CSMD1: variants seen among roughly 807,000 people sequenced by gnomAD.
CSMD1 encodes the protein CUB and sushi domain-containing protein 1.
A neutral mutation model predicts 417.5 loss-of-function variants in CSMD1; 213 were observed. That is an observed-to-expected ratio of 0.51 (90% CI 0.46 to 0.57). CSMD1 has a LOEUF of 0.57. Among genes scored for constraint, CSMD1 ranks in the 20% least tolerant of loss-of-function variants. CSMD1 has a pLI of 0.00. For missense variants in CSMD1, 6,923 were observed against 4,529.7 expected (o/e 1.53, Z -15.17); for synonymous variants, 2,862 against 1,736.8 (o/e 1.65, Z -16.11).
In CSMD1 at chr8:4,837,452, C is replaced by T. The variant is rs538362048; in HGVS notation, c.85+156880G>A. ...TCTATCATTTGCAACAACATGGATGCAACTGGAGATCATTGTGTTAACTAA... is the reference window on the plus strand; with the variant it reads ...TCTATCATTTGCAACAACATGGATGTAACTGGAGATCATTGTGTTAACTAA... On this transcript the variant is annotated intron_variant, in intron 1 of 69. Coordinates refer to ENST00000635120, the MANE Select transcript of CSMD1 (RefSeq NM_033225.6). 2.5e-4 allele frequency among the ~76,000 whole-genome samples: 38 copies of T among 152,184 alleles called. 1 individual carries two copies. The South Asian group carries it at 4.8e-3, about 19-fold the overall frequency.
chr8:4,122,712 C>T (rs1199838240), intron 3 of CSMD1, among the ~76,000 whole-genome samples: 1 of 152,162 alleles, frequency 6.6e-6, no homozygotes, highest in Non-Finnish European at 1.5e-5. Flanking sequence ...TGCTGTAACC[C>T]AGGATTTTTT....
intron 26 of CSMD1, among the ~76,000 whole-genome samples, chr8:3,251,744 C>T (rs983280666): frequency 6.6e-6 from 1 of 152,138 alleles, no homozygotes; most frequent in African/African-American, 2.4e-5. Context: ...TTTCATTGAG[C>T]AGTGGATTGT....
At chr8:4,211,533 A>G (rs1482589885) in intron 3 of CSMD1, among the ~76,000 whole-genome samples, 1 of 152,204 alleles carries the variant, frequency 6.6e-6, no homozygotes, top group East Asian at 1.9e-4. Flanking sequence ...TCTTTTGTAT[A>G]CTTTTGAGCA....
chr8:3,526,263 T>C (rs140386251), intron 10 of CSMD1, among the ~76,000 whole-genome samples: 1 of 152,238 alleles, frequency 6.6e-6, no homozygotes, highest in East Asian at 1.9e-4. Context: ...TCTTAAAATA[T>C]AAAGCTACCA....
intron 3 of CSMD1, among the ~76,000 whole-genome samples, chr8:4,124,842 G>C (rs1166920511): frequency 1.3e-5 from 2 of 152,038 alleles, no homozygotes; most frequent in Admixed American, 6.6e-5. Flanking sequence ...CCCACAAGCA[G>C]ATACAAAATA....
chr8:4,160,817 A>G (rs1797114614), intron 3 of CSMD1, among the ~76,000 whole-genome samples: 1 of 152,244 alleles, frequency 6.6e-6, no homozygotes, highest in South Asian at 2.1e-4. Flanking sequence ...TAAATATCAG[A>G]AAAGAAGAAG....
At position 4,496,660 on chromosome 8, in the gene CSMD1, C is replaced by G. The variant is rs559733225; in HGVS notation, c.303-76595G>C. On this transcript the variant is annotated intron_variant, in intron 2 of 69. Coordinates refer to ENST00000635120, the MANE Select transcript of CSMD1 (RefSeq NM_033225.6). ...TCTCATAGCTCCTTTTGGTCTCCCC[C>G]TCCCTTTATCCTGCCACTCTGACAA... Among the ~76,000 whole-genome samples the G allele has an allele frequency of 2.0e-4, 30 of 152,218 alleles. 2 individuals are homozygous for G. The South Asian group carries it at 6.0e-3, about 31-fold the overall frequency.
chr8:4,407,221 T>C (rs1805091860), intron 3 of CSMD1, among the ~76,000 whole-genome samples: 1 of 152,208 alleles, frequency 6.6e-6, no homozygotes. Context: ...GAATTCCAGC[T>C]CTTCTATGCC....
chr8:4,205,798 T>C (rs1034165026), intron 3 of CSMD1, among the ~76,000 whole-genome samples: 1 of 152,060 alleles, frequency 6.6e-6, no homozygotes, highest in African/African-American at 2.4e-5. Context: ...GTTAGATATT[T>C]GTGGGGGTAA....
At chr8:3,924,086 G>A (rs1452763448) in intron 5 of CSMD1, among the ~76,000 whole-genome samples, 3 of 152,180 alleles carry the variant, frequency 2.0e-5, no homozygotes, top group Non-Finnish European at 2.9e-5. Context: ...ATCTGGTGGT[G>A]ATGAAATTTC....
In CSMD1 at chr8:3,945,178, CAAAAAA is replaced by C. The variant is rs138900503; in HGVS notation, c.818+52719_818+52724del. Among the ~76,000 whole-genome samples the C allele has an allele frequency of 5.2e-3, 624 of 118,928 alleles. 7 individuals are homozygous for C. Among genetic ancestry groups the C allele is most frequent in the African/African-American group, 0.017 (564 of 33,174 alleles). The allele number at this position is 118,928 out of a possible 152,430, so 78.0% of individuals were successfully genotyped here. A position where few individuals can be genotyped will look rare whatever the true frequency, so the allele number is the denominator to read the frequency against. On this transcript the variant is annotated intron_variant, in intron 5 of 69. Coordinates refer to ENST00000635120, the MANE Select transcript of CSMD1 (RefSeq NM_033225.6). ...GCCAATAATTTGACCATGAGAAAGACAAAAAAAAAAAAAAAAAAACAGAAGCTAACT... is the reference window on the plus strand; with the variant it reads ...GCCAATAATTTGACCATGAGAAAGACAAAAAAAAAAAAACAGAAGCTAACT...
intron 3 of CSMD1, among the ~76,000 whole-genome samples, chr8:4,356,153 T>C (rs930772104): frequency 2.0e-5 from 3 of 152,212 alleles, no homozygotes; most frequent in Non-Finnish European, 4.4e-5. Context: ...ATCTTTCTTA[T>C]GCCTTTGCAT....
chr8:3,084,379 C>G (rs966023123), intron 49 of CSMD1, among the ~76,000 whole-genome samples: 1 of 151,450 alleles, frequency 6.6e-6, no homozygotes, highest in African/African-American at 2.4e-5. Context: ...AAAAATTAGC[C>G]GGCTATGGTG....
At chr8:3,789,562 T>G (rs1799619757) in intron 5 of CSMD1, among the ~76,000 whole-genome samples, 1 of 151,690 alleles carries the variant, frequency 6.6e-6, no homozygotes, top group African/African-American at 2.4e-5. Context: ...AGTAATATAT[T>G]CACTCACTTG....
Position 2,963,339 on chromosome 8 carries a change from A to T in CSMD1, c.9337T>A (p.Phe3113Ile). 2 of 1,613,944 alleles carry T rather than the reference A, an allele frequency of 1.2e-6. No individual in the cohort carries two copies. Among genetic ancestry groups the T allele is most frequent in the Non-Finnish European group, 1.7e-6 (2 of 1,179,864 alleles). The change falls in exon 60 of 70, where the codon TTC becomes ATC. Residue 3113 changes from phenylalanine to isoleucine, a missense_variant. Phe to Ile is a conservative substitution (Grantham distance 21). Transcript: ENST00000635120. ...TAACTTATGCTGGAGCCCCAGCGGA[A>T]ATCACTTCCCTCCACTGTTCCATTC... is the stretch of plus-strand genomic sequence containing the variant. ...VQNGTVEGSD[F>I]RWGSSISYSC...
At chr8:4,177,644 G>C (rs1290426607) in intron 3 of CSMD1, among the ~76,000 whole-genome samples, 7 of 141,476 alleles carry the variant, frequency 4.9e-5, no homozygotes, top group Middle Eastern at 3.5e-3. Flanking sequence ...TCCAGGAGCT[G>C]CTTTTTTGAA....
intron 2 of CSMD1, among the ~76,000 whole-genome samples, chr8:4,440,345 A>G (rs530018384): frequency 6.6e-6 from 1 of 152,190 alleles, no homozygotes; most frequent in Non-Finnish European, 1.5e-5. Context: ...ATGTAAATAA[A>G]TCATTACATA....
chr8:4,255,952 G>C (rs887654894), intron 3 of CSMD1, among the ~76,000 whole-genome samples: 1 of 152,178 alleles, frequency 6.6e-6, no homozygotes, highest in African/African-American at 2.4e-5. Context: ...GCCTAACGTG[G>C]TGTCCAATAA....
intron 7 of CSMD1, among the ~76,000 whole-genome samples, chr8:3,659,154 C>A (rs1429083901): frequency 6.6e-6 from 1 of 152,122 alleles, no homozygotes; most frequent in East Asian, 1.9e-4. Flanking sequence ...TAACTTGTTG[C>A]AGATTCATGG....
Sources: gnomAD v4.1 joint callset for allele counts (sites outside exome capture counted in the v4.1 genomes callset) on GRCh38, gnomAD v4.1.1 for gene constraint, MANE v1.5 for transcripts, NCBI Gene and HGNC (gene_info 2026-07-23, HGNC 2026-07-21) for gene names.